Variants in ZNF407 observed in about 807,000 individuals in gnomAD.
The protein encoded by ZNF407 is zinc finger protein 407.
Under a neutral mutation model 131.2 loss-of-function variants are expected in ZNF407, and 17 were observed. The ratio of observed to expected loss-of-function variants is 0.13; its 90% CI spans 0.09 to 0.19. The LOEUF (loss-of-function observed/expected upper bound fraction) is 0.19. Among genes scored for constraint, ZNF407 ranks in the 10% least tolerant of loss-of-function variants. ZNF407 has a pLI of 1.00. For synonymous variants in ZNF407, 1,156 were observed against 1,062.0 expected (o/e 1.09, Z -1.72); for missense variants, 2,681 against 2,830.6 (o/e 0.95, Z 1.20).
chr18:74,601,125 C>T (rs945392513), intron 1 of ZNF407, among the ~76,000 whole-genome samples: 6 of 152,066 alleles, frequency 3.9e-5, no homozygotes, highest in East Asian at 1.9e-4. Context: ...GTGTCTGCTT[C>T]GGGTGACTGG....
intron 3 of ZNF407, among the ~76,000 whole-genome samples, chr18:74,757,248 A>C (rs1968985165): frequency 6.6e-6 from 1 of 152,088 alleles, no homozygotes; most frequent in East Asian, 1.9e-4. Context: ...TGAGGCAGTA[A>C]GAATGGAGAC....
intron 8 of ZNF407, among the ~76,000 whole-genome samples, chr18:74,968,042 G>A (rs772249137): frequency 6.6e-6 from 1 of 151,978 alleles, no homozygotes; most frequent in Non-Finnish European, 1.5e-5. Flanking sequence ...ATTATCTAGG[G>A]GTGGGAAGAA....
chr18:74,693,499 C>T (rs1967279142), intron 3 of ZNF407, among the ~76,000 whole-genome samples: 1 of 152,142 alleles, frequency 6.6e-6, no homozygotes, highest in Non-Finnish European at 1.5e-5. Flanking sequence ...ACTTTCTCTT[C>T]AGTTTTGAAG....
intron 8 of ZNF407, among the ~76,000 whole-genome samples, chr18:74,958,056 A>T (rs187868757): frequency 1.6e-4 from 24 of 152,326 alleles, no homozygotes; most frequent in Non-Finnish European, 3.1e-4. Flanking sequence ...TGTTTGGAGA[A>T]CCATAACCCA....
intron 7 of ZNF407, among the ~76,000 whole-genome samples, chr18:74,917,451 C>T (rs1325652893): frequency 2.6e-5 from 4 of 152,070 alleles, no homozygotes; most frequent in Non-Finnish European, 5.9e-5. Context: ...CTTTTAAAAT[C>T]TCAAGTTCCA....
intron 8 of ZNF407, among the ~76,000 whole-genome samples, chr18:74,976,284 C>CT (rs569459122): frequency 2.1e-4 from 32 of 152,248 alleles, no homozygotes; most frequent in Non-Finnish European, 2.8e-4. Flanking sequence ...ACATTAAAAG[C>CT]TTTTTTTAAA....
chr18:74,886,402 T>C (rs1971309803), intron 6 of ZNF407, among the ~76,000 whole-genome samples: 1 of 127,486 alleles, frequency 7.8e-6, no homozygotes, highest in African/African-American at 2.9e-5. Context: ...CCTATCATAC[T>C]CCAGGATTTA....
intron 4 of ZNF407, among the ~76,000 whole-genome samples, chr18:74,857,433 T>G (rs1568243510): frequency 1.3e-5 from 2 of 152,226 alleles, no homozygotes; most frequent in Admixed American, 6.5e-5. Flanking sequence ...ATCAATTTAT[T>G]TTAATTCCTT....
At position 74,631,995 on chromosome 18, in the gene ZNF407, A is replaced by G. The variant is rs1568131671; in HGVS notation, c.976A>G (p.Thr326Ala). Residue 326 changes from threonine (T) to alanine (A), a missense_variant, in exon 2 of 9, where the codon ACG becomes GCG. Thr to Ala is a moderately conservative substitution (Grantham distance 58, BLOSUM62 0). Transcript: ENST00000299687. Reference protein sequence around the residue: ...DSKGLRNVGSTFKDFRGSISK... With the variant: ...DSKGLRNVGSAFKDFRGSISK... ...AAAAGGATTACGAAATGTGGGAAGC[A>G]CGTTTAAAGATTTCAGAGGAAGTAT... 1 of 1,614,008 alleles carries G rather than the reference A, an allele frequency of 6.2e-7. No individual in the cohort carries two copies. The highest frequency in any genetic ancestry group is 8.5e-7 in the Non-Finnish European group (1 of 1,179,894).
intron 1 of ZNF407, among the ~76,000 whole-genome samples, chr18:74,623,235 TGTTA>T (rs528228952): frequency 1.2e-3 from 182 of 151,766 alleles, no homozygotes; most frequent in African/African-American, 3.9e-3. Context: ...TGAGTGCGGG[TGTTA>T]GTGTGTGTGC....
chr18:75,044,812 A>G (rs1201014150), intron 8 of ZNF407, among the ~76,000 whole-genome samples: 1 of 152,160 alleles, frequency 6.6e-6, no homozygotes, highest in Non-Finnish European at 1.5e-5. Context: ...GCTGTTTAAA[A>G]TTTCTTTTCT....
chr18:74,737,616 A>G (rs1968448644), intron 3 of ZNF407, among the ~76,000 whole-genome samples: 1 of 152,146 alleles, frequency 6.6e-6, no homozygotes, highest in African/African-American at 2.4e-5. Context: ...GTGTGGATAC[A>G]TACGCAGACA....
chr18:74,644,189 T>C (rs1458251732), intron 3 of ZNF407, among the ~76,000 whole-genome samples: 1 of 150,744 alleles, frequency 6.6e-6, no homozygotes, highest in East Asian at 1.9e-4. Flanking sequence ...TTTTTTTTTT[T>C]TTTTTTTGAA....
At chr18:75,007,239 G>A (rs1371230782) in intron 8 of ZNF407, among the ~76,000 whole-genome samples, 1 of 121,458 alleles carries the variant, frequency 8.2e-6, no homozygotes, top group Non-Finnish European at 1.9e-5. Context: ...TCTCTTTTCT[G>A]TTTCTTTTTT....
At chr18:74,908,426 C>T (rs1971624616) in intron 7 of ZNF407, among the ~76,000 whole-genome samples, 1 of 150,606 alleles carries the variant, frequency 6.6e-6, no homozygotes, top group Non-Finnish European at 1.5e-5. Flanking sequence ...GTTGAATGGA[C>T]ACCATTTATT....
At chr18:75,015,719 A>G (rs1973036208) in intron 8 of ZNF407, among the ~76,000 whole-genome samples, 1 of 151,666 alleles carries the variant, frequency 6.6e-6, no homozygotes, top group Admixed American at 6.6e-5. Flanking sequence ...ATATTTCCTA[A>G]TTTACTGCTA....
intron 3 of ZNF407, among the ~76,000 whole-genome samples, chr18:74,767,654 T>C (rs987497729): frequency 6.9e-4 from 68 of 98,018 alleles, no homozygotes; most frequent in Admixed American, 1.6e-3. Context: ...ATTCTCTTTT[T>C]TTTTTTTTTT....
At chr18:74,693,603 C>T (rs1018892453) in intron 3 of ZNF407, among the ~76,000 whole-genome samples, 1 of 152,084 alleles carries the variant, frequency 6.6e-6, no homozygotes, top group African/African-American at 2.4e-5. Flanking sequence ...TATGAGAAGT[C>T]GTTTTGTTCC....
At chr18:74,721,627 A>ATG (rs1387742779) in intron 3 of ZNF407, among the ~76,000 whole-genome samples, 5 of 152,196 alleles carry the variant, frequency 3.3e-5, no homozygotes, top group African/African-American at 1.2e-4. Context: ...TTGTCTCTAA[A>ATG]TGTAAAGTGA....
Sources: gnomAD v4.1 joint callset for allele counts (sites outside exome capture counted in the v4.1 genomes callset) on GRCh38, gnomAD v4.1.1 for gene constraint, MANE v1.5 for transcripts, NCBI Gene and HGNC (gene_info 2026-07-23, HGNC 2026-07-21) for gene names.